Variants in EYA2 observed in about 807,000 individuals in gnomAD.
EYA2 encodes EYA transcriptional coactivator and phosphatase 2, also known as protein phosphatase EYA2.
EYA2 carries 31 observed loss-of-function variants against 69.2 expected under a neutral mutation model. That is an observed-to-expected ratio of 0.45 (90% confidence interval 0.34 to 0.60). The LOEUF (loss-of-function observed/expected upper bound fraction) is 0.60, where lower values mean the gene tolerates loss of function less well. Among genes scored for constraint, EYA2 ranks in the 20% least tolerant of loss-of-function variants. The probability of loss-of-function intolerance (pLI) is 0.02; values close to 1 mark genes in which losing one functional copy is unlikely to be tolerated. For synonymous variants in EYA2, 257 were observed against 279.4 expected (o/e 0.92, Z 0.80); for missense variants, 622 against 701.2 (o/e 0.89, Z 1.28).
chr20:46,986,335 T>C, intron 1 of EYA2, among the ~76,000 whole-genome samples: 1 of 122,718 alleles, frequency 8.1e-6, no homozygotes, highest in South Asian at 2.6e-4. Flanking sequence ...TCTCTATATA[T>C]CTAATGTATA....
At chr20:46,962,541 A>G (rs1410321224) in intron 1 of EYA2, among the ~76,000 whole-genome samples, 2 of 151,984 alleles carry the variant, frequency 1.3e-5, no homozygotes, top group Non-Finnish European at 2.9e-5. Context: ...GGAGAAAGAG[A>G]GGGGCATAAA....
intron 1 of EYA2, among the ~76,000 whole-genome samples, chr20:46,931,568 G>A (rs933172129): frequency 4.6e-5 from 7 of 152,178 alleles, no homozygotes; most frequent in Admixed American, 3.3e-4. Flanking sequence ...TCACGTGAGC[G>A]AAGCAGTGCC....
At chr20:47,114,182 C>T (rs1437379202) in intron 9 of EYA2, among the ~76,000 whole-genome samples, 3 of 152,210 alleles carry the variant, frequency 2.0e-5, no homozygotes, top group Non-Finnish European at 2.9e-5. Context: ...GGTGAATGCC[C>T]ATGTCACAGA....
At chr20:47,140,939 T>C (rs1216075926) in intron 9 of EYA2, among the ~76,000 whole-genome samples, 3 of 152,076 alleles carry the variant, frequency 2.0e-5, no homozygotes, top group Middle Eastern at 3.2e-3. Flanking sequence ...AGTCAACTCT[T>C]TTAACAACTC....
At chr20:47,047,825 G>A (rs1391445596) in intron 5 of EYA2, among the ~76,000 whole-genome samples, 5 of 152,126 alleles carry the variant, frequency 3.3e-5, no homozygotes, top group African/African-American at 9.7e-5. Context: ...CGAAATCAAG[G>A]TGTTGGCAGG....
intron 9 of EYA2, among the ~76,000 whole-genome samples, chr20:47,119,567 C>G (rs1054953551): frequency 6.6e-6 from 1 of 152,152 alleles, no homozygotes; most frequent in African/African-American, 2.4e-5. Flanking sequence ...TACAGAAGGT[C>G]ATATTTGTAT....
chr20:47,139,040 T>C (rs760645982), intron 9 of EYA2, among the ~76,000 whole-genome samples: 1 of 152,250 alleles, frequency 6.6e-6, no homozygotes, highest in Non-Finnish European at 1.5e-5. Flanking sequence ...GGAGATCTGG[T>C]GCATTTCCTT....
intron 1 of EYA2, among the ~76,000 whole-genome samples, chr20:46,923,188 T>C (rs2146240294): frequency 6.6e-6 from 1 of 152,162 alleles, no homozygotes; most frequent in Admixed American, 6.5e-5. Context: ...GGCAACATGG[T>C]GAAACCCTGT....
chr20:47,071,164 C>T (rs2031301708), intron 5 of EYA2, among the ~76,000 whole-genome samples: 1 of 152,132 alleles, frequency 6.6e-6, no homozygotes, highest in South Asian at 2.1e-4. Flanking sequence ...CACACACCAC[C>T]ACGCCTGGCT....
chr20:46,912,276 G>A (rs891775665), intron 1 of EYA2, among the ~76,000 whole-genome samples: 3 of 152,202 alleles, frequency 2.0e-5, no homozygotes, highest in Non-Finnish European at 4.4e-5. Context: ...AAACTCAAAG[G>A]CATGGATATT....
At chr20:46,965,219 A>G (rs1979701739) in intron 1 of EYA2, among the ~76,000 whole-genome samples, 1 of 152,228 alleles carries the variant, frequency 6.6e-6, no homozygotes, top group Non-Finnish European at 1.5e-5. Context: ...CCACTGCTCA[A>G]GGTCATACAG....
At chr20:47,117,739 T>C (rs2032942398) in intron 9 of EYA2, 1 of 961,270 alleles carries the variant, frequency 1.0e-6, no homozygotes, top group African/African-American at 1.8e-5. Flanking sequence ...GTGCCCTCTC[T>C]CGAGGACTAT....
chr20:46,973,280 A>G (rs763483419), intron 1 of EYA2, among the ~76,000 whole-genome samples: 1 of 152,272 alleles, frequency 6.6e-6, no homozygotes, highest in Admixed American at 6.5e-5. Context: ...AACGTGAGAT[A>G]TTCTACAACA....
Position 46,909,100 on chromosome 20 carries a change from A to G in EYA2, c.-11+14113A>G, listed in dbSNP as rs142387668. On this transcript the variant is annotated intron_variant, in intron 1 of 15. Coordinates refer to ENST00000327619, the MANE Select transcript of EYA2 (RefSeq NM_005244.5). ...GGGAAAGGCAAGATGGTCCAAATCT[A>G]TCCTCCTTCGGGTTTTCATTAGTTT... Among the ~76,000 whole-genome samples, 176 of 151,910 alleles carry G rather than the reference A, an allele frequency of 1.2e-3. 1 individual carries two copies. The highest frequency in any genetic ancestry group is 4.1e-3 in the African/African-American group (168 of 41,436).
intron 1 of EYA2, among the ~76,000 whole-genome samples, chr20:46,936,690 TC>T (rs1467159353): frequency 6.6e-6 from 1 of 152,136 alleles, no homozygotes; most frequent in African/African-American, 2.4e-5. Context: ...CAAACCCTTC[TC>T]CCAGCAGAAC....
chr20:47,168,743 G>A (rs1215567760), intron 10 of EYA2, among the ~76,000 whole-genome samples: 4 of 152,188 alleles, frequency 2.6e-5, no homozygotes, highest in Non-Finnish European at 5.9e-5. Flanking sequence ...CACCTTTAGC[G>A]AGGCAGAGGT....
chr20:46,907,755 C>A (rs1984432277), intron 1 of EYA2, among the ~76,000 whole-genome samples: 1 of 152,122 alleles, frequency 6.6e-6, no homozygotes, highest in Non-Finnish European at 1.5e-5. Flanking sequence ...AGGAGAGTTG[C>A]TTGAGCCCAG....
At chr20:47,137,854 T>G (rs1481961266) in intron 9 of EYA2, among the ~76,000 whole-genome samples, 1 of 152,060 alleles carries the variant, frequency 6.6e-6, no homozygotes, top group South Asian at 2.1e-4. Flanking sequence ...ATGGATGAAA[T>G]TGGAAATCAT....
chr20:47,078,851 G>A (rs1431610941), intron 7 of EYA2, among the ~76,000 whole-genome samples: 4 of 152,172 alleles, frequency 2.6e-5, no homozygotes, highest in African/African-American at 4.8e-5. Flanking sequence ...AGGCTCTTCC[G>A]TGTAATTTGG....
Sources: gnomAD v4.1 joint callset for allele counts (sites outside exome capture counted in the v4.1 genomes callset) on GRCh38, gnomAD v4.1.1 for gene constraint, MANE v1.5 for transcripts, NCBI Gene and HGNC (gene_info 2026-07-23, HGNC 2026-07-21) for gene names.